Variants in SGCD observed in about 807,000 individuals in gnomAD.
SGCD encodes the protein delta-sarcoglycan.
Under a neutral mutation model 36.6 loss-of-function variants are expected in SGCD, and 18 were observed. The observed-to-expected ratio is 0.49, with a 90% CI of 0.34 to 0.73. The LOEUF (loss-of-function observed/expected upper bound fraction) is 0.73, where lower values mean the gene tolerates loss of function less well. SGCD is among the 30% of genes least tolerant of loss of function. SGCD has a pLI of 0.01. For synonymous variants in SGCD, 133 were observed against 130.6 expected, an observed-to-expected ratio of 1.02 and a Z score of -0.12; for missense variants, 387 against 346.7, an observed-to-expected ratio of 1.12 and a Z score of -0.92.
chr5:156,686,050 T>C (rs960724978), intron 7 of SGCD, among the ~76,000 whole-genome samples: 19 of 152,184 alleles, frequency 1.2e-4, no homozygotes, highest in African/African-American at 4.3e-4. Context: ...AAAAACACTT[T>C]TGAAAGAATT....
chr5:155,940,407 A>G (rs554440285), intron 1 of SGCD, among the ~76,000 whole-genome samples: 17 of 152,218 alleles, frequency 1.1e-4, no homozygotes, highest in Non-Finnish European at 2.4e-4. Flanking sequence ...AACATATTCT[A>G]GATGTGTGAG....
At chr5:155,745,343 T>C in the SGCD span, among the ~76,000 whole-genome samples, 11 of 152,194 alleles carry the variant, frequency 7.2e-5, no homozygotes, top group African/African-American at 2.6e-4. Flanking sequence ...TATTTTGGAG[T>C]AAAACAAAAT....
At chr5:156,071,914 T>G (rs930801068) in intron 1 of SGCD, among the ~76,000 whole-genome samples, 2 of 152,060 alleles carry the variant, frequency 1.3e-5, no homozygotes, top group African/African-American at 2.4e-5. Context: ...TGATCTTTGT[T>G]GGTTTAAAGT....
chr5:156,396,680 C>A (rs1287489067), intron 3 of SGCD, among the ~76,000 whole-genome samples: 1 of 152,102 alleles, frequency 6.6e-6, no homozygotes, highest in Non-Finnish European at 1.5e-5. Flanking sequence ...AAGAGGCAGG[C>A]ATGTGTGGGA....
chr5:156,194,187 G>A (rs569178233), intron 3 of SGCD, among the ~76,000 whole-genome samples: 26 of 152,152 alleles, frequency 1.7e-4, no homozygotes, highest in African/African-American at 5.8e-4. Flanking sequence ...GCCAGCCTGG[G>A]CAACATGGCA....
chr5:156,716,176 T>C (rs1166165600), intron 7 of SGCD, among the ~76,000 whole-genome samples: 1 of 152,206 alleles, frequency 6.6e-6, no homozygotes, highest in East Asian at 1.9e-4. Context: ...TCTGCTAGGA[T>C]GCACTAACTT....
chr5:156,482,445 A>G (rs1441841254), intron 3 of SGCD, among the ~76,000 whole-genome samples: 1 of 152,236 alleles, frequency 6.6e-6, no homozygotes, highest in East Asian at 1.9e-4. Flanking sequence ...CATTGAATCA[A>G]TGAATGAAAT....
At chr5:156,444,530 C>A (rs558496594) in intron 3 of SGCD, among the ~76,000 whole-genome samples, 1 of 151,830 alleles carries the variant, frequency 6.6e-6, no homozygotes, top group African/African-American at 2.4e-5. Flanking sequence ...TGCTTTCTTC[C>A]GAAAGATGAT....
At chr5:156,529,093 G>C (rs543442264) in intron 4 of SGCD, among the ~76,000 whole-genome samples, 2 of 152,152 alleles carry the variant, frequency 1.3e-5, no homozygotes, top group South Asian at 4.1e-4. Context: ...AGTAACTGCT[G>C]AGTACATTTG....
At chr5:156,347,834 T>C (rs1393002224) in intron 3 of SGCD, among the ~76,000 whole-genome samples, 1 of 152,206 alleles carries the variant, frequency 6.6e-6, no homozygotes, top group Non-Finnish European at 1.5e-5. Flanking sequence ...GTACCACTTA[T>C]ATGACATTAA....
At chr5:156,423,468 A>C (rs1412611226) in intron 3 of SGCD, among the ~76,000 whole-genome samples, 1 of 132,988 alleles carries the variant, frequency 7.5e-6, no homozygotes, top group African/African-American at 2.8e-5. Flanking sequence ...TATTAATTAA[A>C]TAATAATTAA....
At chr5:156,566,408 A>G (rs975771215) in intron 4 of SGCD, among the ~76,000 whole-genome samples, 1 of 152,182 alleles carries the variant, frequency 6.6e-6, no homozygotes, top group African/African-American at 2.4e-5. Context: ...CCAGCATGTC[A>G]TCAAATCCCT....
At chr5:156,021,981 A>G (rs746083418) in intron 1 of SGCD, among the ~76,000 whole-genome samples, 18 of 152,166 alleles carry the variant, frequency 1.2e-4, no homozygotes, top group Admixed American at 3.3e-4. Context: ...ATCAATTACA[A>G]TATTTTCATC....
chr5:156,049,250 A>T (rs1395597346), intron 1 of SGCD, among the ~76,000 whole-genome samples: 1 of 146,050 alleles, frequency 6.8e-6, no homozygotes, highest in Admixed American at 6.8e-5. Context: ...GTTTGAAGTC[A>T]GGTAGTGTGA....
chr5:156,619,923 C>A (rs1364002466), intron 6 of SGCD, among the ~76,000 whole-genome samples: 1 of 152,142 alleles, frequency 6.6e-6, no homozygotes, highest in Non-Finnish European at 1.5e-5. Flanking sequence ...CACCGTCTTC[C>A]CTGGGAACAG....
intron 3 of SGCD, among the ~76,000 whole-genome samples, chr5:156,406,486 T>G (rs10515736): frequency 0.79 from 119,757 of 151,662 alleles, 48,046 homozygotes; most frequent in African/African-American, 0.93. Flanking sequence ...TTGGAGTAAA[T>G]TTTCCTATAG....
intron 3 of SGCD, among the ~76,000 whole-genome samples, chr5:156,242,702 A>G (rs1765334866): frequency 6.6e-6 from 1 of 152,222 alleles, no homozygotes; most frequent in Admixed American, 6.5e-5. Context: ...AAGCTAACCA[A>G]CATCAAGAGG....
intron 3 of SGCD, among the ~76,000 whole-genome samples, chr5:156,495,846 C>A (rs1756161524): frequency 6.6e-6 from 1 of 152,192 alleles, no homozygotes; most frequent in Admixed American, 6.5e-5. Context: ...ATCCATCTCT[C>A]ATTTTCTTCC....
intron 1 of SGCD, among the ~76,000 whole-genome samples, chr5:156,108,726 T>G (rs1283117312): frequency 6.6e-6 from 1 of 151,976 alleles, no homozygotes; most frequent in African/African-American, 2.4e-5. Flanking sequence ...TTTGGTGGAG[T>G]TGTAGGTCTA....
Sources: gnomAD v4.1 joint callset for allele counts (sites outside exome capture counted in the v4.1 genomes callset) on GRCh38, gnomAD v4.1.1 for gene constraint, MANE v1.5 for transcripts, NCBI Gene and HGNC (gene_info 2026-07-23, HGNC 2026-07-21) for gene names.